Variants in PDXDC1 observed in about 807,000 individuals in gnomAD.
The protein encoded by PDXDC1 is pyridoxal dependent decarboxylase domain containing 1.
A neutral mutation model predicts 100.1 loss-of-function variants in PDXDC1; 42 were observed. The observed-to-expected ratio is 0.42, with a 90% CI of 0.33 to 0.54. The LOEUF (loss-of-function observed/expected upper bound fraction) is 0.54, where lower values mean the gene tolerates loss of function less well. Among genes scored for constraint, PDXDC1 ranks in the 20% least tolerant of loss-of-function variants. The pLI is 0.10. For missense variants in PDXDC1, 636 were observed against 979.2 expected (o/e 0.65, Z 4.68); for synonymous variants, 260 against 371.7 (o/e 0.70, Z 3.46).
chr16:15,037,996 G>GCCAAGAAGGTGCTTTCTTT lies in PDXDC1; in HGVS notation c.*1722_*1740dup. 6.4e-7 allele frequency: 1 copy of GCCAAGAAGGTGCTTTCTTT among 1,552,382 alleles called. No individual in the cohort carries two copies. Among genetic ancestry groups the GCCAAGAAGGTGCTTTCTTT allele is most frequent in the South Asian group, 1.1e-5 (1 of 87,620 alleles). ...GCCAGCCCCACCAATGGTCTGTCAGGCCAAGAAGGTGCTTTCTTTGGTAAT... is the reference window on the plus strand; with the variant it reads ...GCCAGCCCCACCAATGGTCTGTCAGGCCAAGAAGGTGCTTTCTTTCCAAGAAGGTGCTTTCTTTGGTAAT... On this transcript the variant is annotated 3_prime_UTR_variant, in exon 23 of 23. Transcript: ENST00000396410.
chr16:15,034,173 G>A (rs1471318012), intron 19 of PDXDC1, 113 bp from the exon 20 acceptor site: 2 of 839,008 alleles, frequency 2.4e-6, no homozygotes, highest in Admixed American at 2.2e-5. Flanking sequence ...GCTTTTCAAT[G>A]CAGGATTTCA....
At chr16:14,986,713 C>A (rs1348972220) in intron 1 of PDXDC1, among the ~76,000 whole-genome samples, 5 of 152,290 alleles carry the variant, frequency 3.3e-5, no homozygotes, top group Non-Finnish European at 7.3e-5. Flanking sequence ...TGTAGATATA[C>A]CCACTCTGTA....
chr16:15,100,196 G>A (rs1192706751), intron 16 of PDXDC1, among the ~76,000 whole-genome samples: 6 of 151,482 alleles, frequency 4.0e-5, no homozygotes, highest in Non-Finnish European at 8.8e-5. Context: ...ATGGTAGGGC[G>A]GATCCACACG....
chr16:15,042,782 G>T (rs1387577614), downstream of PDXDC1, among the ~76,000 whole-genome samples: 1 of 150,990 alleles, frequency 6.6e-6, no homozygotes, highest in African/African-American at 2.4e-5. Context: ...ACCCAGGCTG[G>T]AGTGCAGTGG....
intron 11 of PDXDC1, among the ~76,000 whole-genome samples, chr16:15,018,016 G>A (rs1409851038): frequency 3.7e-4 from 56 of 152,236 alleles, no homozygotes; most frequent in African/African-American, 1.2e-3. Context: ...TTGAACTCGC[G>A]ATCTCAGGTG....
intron 16 of PDXDC1, among the ~76,000 whole-genome samples, chr16:15,128,865 G>T (rs1280281781): frequency 6.7e-6 from 1 of 149,754 alleles, no homozygotes; most frequent in Non-Finnish European, 1.5e-5. Context: ...GAGTGCAGTG[G>T]CGCAATCTCA....
At chr16:15,146,253 C>T in the PDXDC1 span, among the ~76,000 whole-genome samples, 127 of 152,218 alleles carry the variant, frequency 8.3e-4, no homozygotes, top group Middle Eastern at 3.4e-3. Flanking sequence ...GGAAGGGGGA[C>T]GTCGAGGCTC....
intron 16 of PDXDC1, among the ~76,000 whole-genome samples, chr16:15,101,925 C>T (rs1390940533): frequency 6.6e-6 from 1 of 151,710 alleles, no homozygotes; most frequent in Non-Finnish European, 1.5e-5. Context: ...CTTGGCTCAC[C>T]GCAACCTCCA....
intron 16 of PDXDC1, among the ~76,000 whole-genome samples, chr16:15,095,089 C>T (rs1457411754): frequency 1.3e-5 from 2 of 152,096 alleles, no homozygotes; most frequent in Non-Finnish European, 2.9e-5. Context: ...CCGCCCGCCT[C>T]GGCCTCCCAA....
intron 1 of PDXDC1, among the ~76,000 whole-genome samples, chr16:14,984,191 A>G (rs1193397681): frequency 4.1e-5 from 1 of 24,422 alleles, no homozygotes; most frequent in African/African-American, 1.7e-4. Flanking sequence ...CACCCACCCC[A>G]AAAAAGGTAC....
chr16:15,104,214 T>A, intron 16 of PDXDC1: 1 of 1,070,906 alleles, frequency 9.3e-7, no homozygotes, highest in African/African-American at 1.8e-5. Context: ...AACCAACCAC[T>A]TCTAAAGATT....
chr16:15,095,583 G>T (rs2046325691), intron 16 of PDXDC1, among the ~76,000 whole-genome samples: 1 of 152,264 alleles, frequency 6.6e-6, no homozygotes, highest in East Asian at 1.9e-4. Flanking sequence ...CCGGCGCAGT[G>T]GCTCACGCCT....
rs2043600847 is a variant in PDXDC1, at chr16:15,038,017, G to GTAAT, written c.*1744_*1747dup. ...TCAGGCCAAGAAGGTGCTTTCTTTG[G>GTAAT]TAATTCATGTTTTTTAACTTCCTGG... On this transcript the variant is annotated 3_prime_UTR_variant, in exon 23 of 23. Coordinates refer to ENST00000396410, the MANE Select transcript of PDXDC1 (RefSeq NM_015027.4). 1 of 1,603,316 alleles carries GTAAT rather than the reference G, an allele frequency of 6.2e-7. No homozygotes were observed. The highest frequency in any genetic ancestry group is 2.2e-5 in the East Asian group (1 of 44,834).
intron 16 of PDXDC1, chr16:15,131,378 A>C (rs2048050149): frequency 6.3e-7 from 1 of 1,590,300 alleles, no homozygotes; most frequent in African/African-American, 1.3e-5. Context: ...AAGGGATTGG[A>C]GTCCACCAGA....
intron 16 of PDXDC1, 88 bp from the exon 17 acceptor site, chr16:15,031,647 T>A (rs922749677): frequency 1.3e-4 from 152 of 1,194,138 alleles, no homozygotes; most frequent in Non-Finnish European, 1.8e-4. Flanking sequence ...CTCGAGCTTT[T>A]GACCTTCCCA....
intron 16 of PDXDC1, among the ~76,000 whole-genome samples, chr16:15,088,816 G>A (rs1217115391): frequency 6.6e-6 from 1 of 152,124 alleles, no homozygotes; most frequent in Non-Finnish European, 1.5e-5. Context: ...AATAGACCAT[G>A]GGGGGCCTTG....
rs377598399 is a variant in PDXDC1 at position 15,130,156 on chromosome 16, C to T, written c.1400-8723C>T. The T allele has an allele frequency of 3.3e-4, 461 of 1,412,662 alleles. 7 individuals are homozygous for T. In the East Asian group the frequency reaches 9.6e-3, roughly 29 times the overall value. 87.5% of individuals were successfully genotyped at this position (1,412,662 alleles called of 1,614,324 possible). A position where few individuals can be genotyped will look rare whatever the true frequency, so the allele number is the denominator to read the frequency against. ...CAGGATAGAGCCGAGCCCACCCAGG[C>T]CCTCCTCGACTCTGCAGAGGCTCCC... On this transcript the variant is annotated intron_variant, in intron 16 of 16. Coordinates refer to the PDXDC1 transcript ENST00000535621.
At position 15,036,443 on chromosome 16, in the gene PDXDC1, C is replaced by T. The variant is rs994791370; in HGVS notation, c.*168C>T. On this transcript the variant is annotated 3_prime_UTR_variant, in exon 23 of 23. Transcript: ENST00000396410. ...AAGGTAGGCTTTCTAGGAGGGGAGT[C>T]AGCTTGTCTAACTTCATGTACATGT... 7 of 631,734 alleles carry T rather than the reference C, an allele frequency of 1.1e-5. No individual in the cohort carries two copies. The African/African-American group carries it at 1.3e-4, about 12-fold the overall frequency. 39.1% of individuals were successfully genotyped at this position (631,734 alleles called of 1,614,324 possible).
intron 5 of PDXDC1, among the ~76,000 whole-genome samples, chr16:15,004,641 G>C (rs1488109546): frequency 6.6e-6 from 1 of 152,262 alleles, no homozygotes; most frequent in Non-Finnish European, 1.5e-5. Context: ...CATGTCGGTA[G>C]AAGATAGAGC....
Sources: allele counts gnomAD v4.1 joint callset (sites outside exome capture counted in the v4.1 genomes callset), GRCh38; gene constraint gnomAD v4.1.1; transcripts MANE v1.5; gene names NCBI Gene and HGNC (gene_info 2026-07-23, HGNC 2026-07-21).